The following RAB38 variants were observed in gnomAD, a reference collection of about 807,000 sequenced individuals.
The protein encoded by RAB38 is RAB38, member RAS oncogene family, also known as ras-related protein Rab-38.
A neutral mutation model predicts 18.4 loss-of-function variants in RAB38; 15 were observed. That is an observed-to-expected ratio of 0.82 (90% CI 0.55 to 1.26). The LOEUF (loss-of-function observed/expected upper bound fraction) is 1.26. RAB38 is among the 50% of genes most tolerant of loss of function. The pLI is 0.00. For missense variants in RAB38, 294 were observed against 267.4 expected, an observed-to-expected ratio of 1.10 and a Z score of -0.69; for synonymous variants, 101 against 104.4, an observed-to-expected ratio of 0.97 and a Z score of 0.20.
chr11:87,919,094 A>G, the RAB38 span, among the ~76,000 whole-genome samples: 5 of 150,160 alleles, frequency 3.3e-5, no homozygotes, highest in Non-Finnish European at 7.4e-5. Flanking sequence ...CAGTTTTCCA[A>G]CACCATTTAT....
In RAB38 at chr11:88,158,363, G is replaced by C. The variant is rs180848970; in HGVS notation, c.203-8408C>G. Among the ~76,000 whole-genome samples, 3 of 152,000 alleles carry C rather than the reference G, an allele frequency of 2.0e-5. No individual in the cohort carries two copies. In the East Asian group the frequency reaches 5.8e-4, roughly 29 times the overall value. ...TCTACCAGACATACAAAAAAGACTT[G>C]GTATCAATCCTACTAAAACTATTTC... On this transcript the variant is annotated intron_variant, in intron 1 of 2. Coordinates refer to ENST00000243662, the MANE Select transcript of RAB38 (RefSeq NM_022337.3).
At chr11:87,890,579 A>C in the RAB38 span, among the ~76,000 whole-genome samples, 1 of 151,650 alleles carries the variant, frequency 6.6e-6, no homozygotes, top group Non-Finnish European at 1.5e-5. Flanking sequence ...AAAGCTTTCA[A>C]AATTTTTATC....
At chr11:88,053,484 T>C in the RAB38 span, among the ~76,000 whole-genome samples, 810 of 144,080 alleles carry the variant, frequency 5.6e-3, 53 homozygotes, top group African/African-American at 0.02. Context: ...TACACACATA[T>C]ATATGGAATA....
At chr11:87,975,419 C>T in the RAB38 span, among the ~76,000 whole-genome samples, 1 of 151,852 alleles carries the variant, frequency 6.6e-6, no homozygotes, top group Non-Finnish European at 1.5e-5. Flanking sequence ...TGCCAGCAAA[C>T]TTGTACTACG....
the RAB38 span, among the ~76,000 whole-genome samples, chr11:88,046,464 C>G: frequency 6.6e-6 from 1 of 152,224 alleles, no homozygotes; most frequent in African/African-American, 2.4e-5. Context: ...TCTTTTGCAC[C>G]CTTCATCCCA....
At chr11:87,921,161 A>T in the RAB38 span, among the ~76,000 whole-genome samples, 1 of 152,224 alleles carries the variant, frequency 6.6e-6, no homozygotes, top group East Asian at 1.9e-4. Flanking sequence ...AACTACAGAC[A>T]GTTTCTGACT....
chr11:87,906,587 A>T, the RAB38 span, among the ~76,000 whole-genome samples: 1 of 151,962 alleles, frequency 6.6e-6, no homozygotes, highest in Non-Finnish European at 1.5e-5. Flanking sequence ...AAGTATTTTC[A>T]TTATAAAAAC....
the RAB38 span, among the ~76,000 whole-genome samples, chr11:88,026,784 G>T: frequency 4.0e-5 from 6 of 151,772 alleles, no homozygotes; most frequent in Admixed American, 1.3e-4. Context: ...AGTAATAATT[G>T]ATTCAGAGAA....
the RAB38 span, among the ~76,000 whole-genome samples, chr11:87,865,093 G>T: frequency 3.3e-5 from 5 of 151,788 alleles, no homozygotes; most frequent in East Asian, 9.7e-4. Flanking sequence ...TCACCAGAAA[G>T]GAAGACCAAG....
chr11:87,819,566 C>A, the RAB38 span, among the ~76,000 whole-genome samples: 1 of 151,530 alleles, frequency 6.6e-6, no homozygotes, highest in Non-Finnish European at 1.5e-5. Flanking sequence ...TTAATTTCCC[C>A]TGTAGATTAT....
At chr11:88,003,911 T>C in the RAB38 span, among the ~76,000 whole-genome samples, 2 of 110,120 alleles carry the variant, frequency 1.8e-5, no homozygotes, top group Admixed American at 2.4e-4. Flanking sequence ...ATTATATATT[T>C]ATATAAAGAT....
chr11:88,140,176 G>T (rs1357264832), intron 2 of RAB38, among the ~76,000 whole-genome samples: 1 of 152,186 alleles, frequency 6.6e-6, no homozygotes, highest in African/African-American at 2.4e-5. Flanking sequence ...AGGGGGTGCA[G>T]CTTCCCTCAC....
the RAB38 span, among the ~76,000 whole-genome samples, chr11:87,817,906 A>C: frequency 6.6e-6 from 1 of 152,216 alleles, no homozygotes; most frequent in Non-Finnish European, 1.5e-5. Context: ...GATGGGCTCA[A>C]AGGAACAAAG....
chr11:88,033,725 CTTTTTTTT>C, the RAB38 span, among the ~76,000 whole-genome samples: 4 of 101,120 alleles, frequency 4.0e-5, no homozygotes, highest in Admixed American at 1.3e-4. Context: ...GTTGTGTTGC[CTTTTTTTT>C]TTTTTTTTTT....
chr11:87,958,177 G>T, the RAB38 span, among the ~76,000 whole-genome samples: 7 of 152,256 alleles, frequency 4.6e-5, no homozygotes, highest in East Asian at 1.4e-3. Flanking sequence ...CAAACAACCA[G>T]CACTCTATGG....
the RAB38 span, among the ~76,000 whole-genome samples, chr11:88,028,232 T>C: frequency 5.3e-5 from 8 of 152,062 alleles, no homozygotes; most frequent in Non-Finnish European, 1.2e-4. Context: ...CATCTGTTCA[T>C]CACCATAATC....
At chr11:87,941,211 T>TTA in the RAB38 span, among the ~76,000 whole-genome samples, 1 of 24,136 alleles carries the variant, frequency 4.1e-5, no homozygotes, top group African/African-American at 2.0e-4. Flanking sequence ...TATAAATATA[T>TTA]GAGATATATA....
chr11:87,954,563 T>C, the RAB38 span, among the ~76,000 whole-genome samples: 1 of 151,850 alleles, frequency 6.6e-6, no homozygotes, highest in African/African-American at 2.4e-5. Context: ...TGTTGAGAAA[T>C]TTCTGTGCCT....
intron 1 of RAB38, among the ~76,000 whole-genome samples, chr11:88,158,258 T>C (rs1377950625): frequency 6.6e-6 from 1 of 152,024 alleles, no homozygotes; most frequent in Non-Finnish European, 1.5e-5. Flanking sequence ...AATAGACCAA[T>C]AATGACTTCC....
Sources: gnomAD v4.1 joint callset for allele counts (sites outside exome capture counted in the v4.1 genomes callset) on GRCh38, gnomAD v4.1.1 for gene constraint, MANE v1.5 for transcripts, NCBI Gene and HGNC (gene_info 2026-07-23, HGNC 2026-07-21) for gene names.